The following FRMD4A variants were observed in gnomAD, a reference collection of about 807,000 sequenced individuals.
The protein encoded by FRMD4A is FERM domain-containing protein 4A.
In FRMD4A, 29 loss-of-function variants were observed where a neutral mutation model predicts 129.1. The observed-to-expected ratio is 0.22, with a 90% CI of 0.17 to 0.31. The LOEUF is 0.31. Ranked by LOEUF, FRMD4A falls within the 10% of genes least tolerant of loss-of-function variation. The pLI is 1.00. For missense variants in FRMD4A, 1,272 were observed against 1,375.8 expected (o/e 0.92, Z 1.19); for synonymous variants, 634 against 571.6 (o/e 1.11, Z -1.56).
intron 2 of FRMD4A, among the ~76,000 whole-genome samples, chr10:14,121,258 C>T (rs1191990024): frequency 1.3e-5 from 2 of 152,166 alleles, no homozygotes; most frequent in Non-Finnish European, 2.9e-5. Flanking sequence ...GTCCCAGCTA[C>T]TTGGAAGGCT....
chr10:13,725,708 T>C (rs1015123526), intron 12 of FRMD4A, among the ~76,000 whole-genome samples: 5 of 152,182 alleles, frequency 3.3e-5, no homozygotes, highest in African/African-American at 1.2e-4. Flanking sequence ...CGAGGAACCC[T>C]GGCTTCCCAG....
chr10:14,042,358 A>G (rs1006544890), intron 2 of FRMD4A, among the ~76,000 whole-genome samples: 8 of 152,200 alleles, frequency 5.3e-5, no homozygotes, highest in African/African-American at 1.9e-4. Context: ...CAGGCCAATC[A>G]GGACAAATAC....
At chr10:13,904,020 G>T (rs534305890) in intron 2 of FRMD4A, among the ~76,000 whole-genome samples, 1 of 152,232 alleles carries the variant, frequency 6.6e-6, no homozygotes, top group East Asian at 1.9e-4. Context: ...AAATATAATC[G>T]TGTCGCTCCA....
At chr10:14,043,899 T>C (rs537009188) in intron 2 of FRMD4A, among the ~76,000 whole-genome samples, 1 of 152,248 alleles carries the variant, frequency 6.6e-6, no homozygotes, top group African/African-American at 2.4e-5. Context: ...CAATCACAGC[T>C]CACTATAACT....
At chr10:13,700,275 T>C (rs1198577965) in intron 14 of FRMD4A, among the ~76,000 whole-genome samples, 1 of 149,920 alleles carries the variant, frequency 6.7e-6, no homozygotes, top group East Asian at 2.0e-4. Context: ...TCTTATCACC[T>C]CCCCCTTGAC....
intron 2 of FRMD4A, among the ~76,000 whole-genome samples, chr10:14,039,640 A>G (rs1256108126): frequency 6.6e-6 from 1 of 152,202 alleles, no homozygotes; most frequent in East Asian, 1.9e-4. Context: ...ATAAATGCAT[A>G]TCTGATTTCT....
chr10:13,706,749 G>GACACACACACACACACACAC (rs3031967), intron 13 of FRMD4A, among the ~76,000 whole-genome samples: 57 of 146,628 alleles, frequency 3.9e-4, no homozygotes, highest in East Asian at 1.4e-3. Flanking sequence ...CACATACACT[G>GACACACACACACACACACAC]ACACACACAC....
chr10:13,824,321 CAAAAAAA>C (rs397721588), intron 3 of FRMD4A, among the ~76,000 whole-genome samples: 1 of 99,046 alleles, frequency 1.0e-5, no homozygotes, highest in Non-Finnish European at 1.9e-5. Context: ...ACTAAAAATA[CAAAAAAA>C]AAAAAAAAAA....
chr10:14,019,069 G>A (rs1832612925), intron 2 of FRMD4A, among the ~76,000 whole-genome samples: 1 of 152,164 alleles, frequency 6.6e-6, no homozygotes, highest in South Asian at 2.1e-4. Context: ...TGAATTCCAG[G>A]AAAAGGATTG....
At chr10:13,691,118 A>G (rs1181914290) in intron 15 of FRMD4A, among the ~76,000 whole-genome samples, 1 of 152,094 alleles carries the variant, frequency 6.6e-6, no homozygotes. Context: ...CTCGAAAATA[A>G]CTGGGATTAC....
intron 5 of FRMD4A, among the ~76,000 whole-genome samples, chr10:13,795,103 A>T (rs2093085141): frequency 6.6e-6 from 1 of 152,134 alleles, no homozygotes; most frequent in Non-Finnish European, 1.5e-5. Context: ...ATCACCAGGG[A>T]GGTGGGGAGA....
At chr10:14,200,344 A>G (rs919496982) in intron 2 of FRMD4A, among the ~76,000 whole-genome samples, 2 of 151,278 alleles carry the variant, frequency 1.3e-5, no homozygotes, top group Non-Finnish European at 3.0e-5. Context: ...CCCAGGCTGG[A>G]GTGCAGTGGT....
intron 2 of FRMD4A, among the ~76,000 whole-genome samples, chr10:14,264,052 C>T (rs1008667446): frequency 2.4e-4 from 36 of 152,176 alleles, no homozygotes; most frequent in African/African-American, 6.5e-4. Flanking sequence ...AGAGTGTCTA[C>T]GAAAACTAAT....
chr10:13,894,142 G>A (rs780914535), intron 2 of FRMD4A, among the ~76,000 whole-genome samples: 5 of 152,158 alleles, frequency 3.3e-5, no homozygotes, highest in Non-Finnish European at 4.4e-5. Context: ...GCCTGAAGCT[G>A]AGTGAGCAAC....
intron 2 of FRMD4A, among the ~76,000 whole-genome samples, chr10:14,058,106 G>A (rs1189151891): frequency 6.6e-6 from 1 of 152,194 alleles, no homozygotes; most frequent in Non-Finnish European, 1.5e-5. Flanking sequence ...CCTCCAATGA[G>A]TAGAACTGGA....
chr10:13,754,809 A>T (rs1273233344), intron 8 of FRMD4A, among the ~76,000 whole-genome samples: 1 of 152,172 alleles, frequency 6.6e-6, no homozygotes, highest in Non-Finnish European at 1.5e-5. Flanking sequence ...TAACTATTTC[A>T]GACATAACTG....
At chr10:13,889,702 G>A (rs566159976) in intron 2 of FRMD4A, among the ~76,000 whole-genome samples, 1 of 152,182 alleles carries the variant, frequency 6.6e-6, no homozygotes, top group Non-Finnish European at 1.5e-5. Context: ...AGAGGGTGGA[G>A]AGATTTTCTG....
intron 20 of FRMD4A, among the ~76,000 whole-genome samples, chr10:13,659,923 G>T (rs1405150228): frequency 5.3e-5 from 8 of 152,186 alleles, no homozygotes. Flanking sequence ...ACACAGCTTG[G>T]ATTACAGCTG....
intron 12 of FRMD4A, among the ~76,000 whole-genome samples, chr10:13,716,736 G>A (rs2088846118): frequency 6.6e-6 from 1 of 152,192 alleles, no homozygotes; most frequent in South Asian, 2.1e-4. Context: ...GGAAAAGGGA[G>A]AAAGAGGTTA....
Sources: allele counts gnomAD v4.1 joint callset (sites outside exome capture counted in the v4.1 genomes callset), GRCh38; gene constraint gnomAD v4.1.1; transcripts MANE v1.5; gene names NCBI Gene and HGNC (gene_info 2026-07-23, HGNC 2026-07-21).